The following GRIA4 variants were observed in gnomAD, a reference collection of about 807,000 sequenced individuals.
GRIA4 encodes glutamate ionotropic receptor AMPA type subunit 4.
Under a neutral mutation model 104.0 loss-of-function variants are expected in GRIA4, and 34 were observed. The ratio of observed to expected loss-of-function variants is 0.33; its 90% CI spans 0.25 to 0.44. The LOEUF is 0.44. Ranked by LOEUF, GRIA4 falls within the 20% of genes least tolerant of loss-of-function variation. The pLI is 1.00. For synonymous variants in GRIA4, 386 were observed against 381.9 expected, an observed-to-expected ratio of 1.01 and a Z score of -0.13; for missense variants, 750 against 1,096.5, an observed-to-expected ratio of 0.68 and a Z score of 4.46.
intron 5 of GRIA4, among the ~76,000 whole-genome samples, chr11:105,868,743 C>G (rs1287143421): frequency 6.6e-6 from 1 of 152,086 alleles, no homozygotes; most frequent in African/African-American, 2.4e-5. Context: ...AAATCAGGCA[C>G]TCACAGAAAT....
At chr11:105,884,184 A>T (rs562382475) in intron 5 of GRIA4, among the ~76,000 whole-genome samples, 105 of 152,358 alleles carry the variant, frequency 6.9e-4, no homozygotes, top group African/African-American at 2.2e-3. Flanking sequence ...TTTTCCCATG[A>T]CAACTAAGCC....
intron 11 of GRIA4, among the ~76,000 whole-genome samples, chr11:105,922,891 A>C (rs546600340): frequency 6.6e-6 from 1 of 152,118 alleles, no homozygotes; most frequent in Non-Finnish European, 1.5e-5. Flanking sequence ...TGTAACAAAA[A>C]CTATATACAT....
intron 3 of GRIA4, among the ~76,000 whole-genome samples, chr11:105,730,728 T>A (rs1161855155): frequency 2.6e-5 from 4 of 152,030 alleles, no homozygotes; most frequent in Non-Finnish European, 5.9e-5. Flanking sequence ...ACACCACACA[T>A]CTAGAACCAT....
chr11:105,649,223 A>G (rs1409574840), intron 3 of GRIA4, among the ~76,000 whole-genome samples: 2 of 152,184 alleles, frequency 1.3e-5, no homozygotes, highest in Admixed American at 1.3e-4. Flanking sequence ...TAGTAGTAAT[A>G]TATTATAATA....
chr11:105,695,522 G>A (rs1342116275), intron 3 of GRIA4, among the ~76,000 whole-genome samples: 9 of 151,590 alleles, frequency 5.9e-5, no homozygotes, highest in African/African-American at 1.9e-4. Flanking sequence ...GTGCGTGCGC[G>A]TTTGGTAGGG....
At chr11:105,801,541 C>T (rs1942720561) in intron 4 of GRIA4, among the ~76,000 whole-genome samples, 1 of 151,842 alleles carries the variant, frequency 6.6e-6, no homozygotes, top group East Asian at 1.9e-4. Flanking sequence ...TAAGTGAGTT[C>T]CATTAAAGTT....
At chr11:105,754,576 G>T (rs929049263) in intron 4 of GRIA4, among the ~76,000 whole-genome samples, 1 of 152,120 alleles carries the variant, frequency 6.6e-6, no homozygotes, top group Non-Finnish European at 1.5e-5. Context: ...CTCACATATT[G>T]CATTATTAAC....
intron 3 of GRIA4, among the ~76,000 whole-genome samples, chr11:105,733,204 T>C (rs1938711072): frequency 6.6e-6 from 1 of 152,222 alleles, no homozygotes; most frequent in Admixed American, 6.5e-5. Flanking sequence ...AAAATAATTA[T>C]AACCAATGTT....
At chr11:105,974,238 G>A in intron 15 of GRIA4, 72 bp from the exon 16 acceptor site, 2 of 1,458,430 alleles carry the variant, frequency 1.4e-6, no homozygotes, top group South Asian at 1.2e-5. Flanking sequence ...TGGCTTTTTG[G>A]ATTTCATGTG....
chr11:105,673,158 C>T (rs1398905848), intron 3 of GRIA4, among the ~76,000 whole-genome samples: 2 of 152,106 alleles, frequency 1.3e-5, no homozygotes, highest in Non-Finnish European at 1.5e-5. Flanking sequence ...CACCCAAGTT[C>T]TCATTCATGT....
intron 4 of GRIA4, among the ~76,000 whole-genome samples, chr11:105,786,611 T>C (rs1384917876): frequency 6.6e-6 from 1 of 152,170 alleles, no homozygotes; most frequent in Non-Finnish European, 1.5e-5. Flanking sequence ...ACCTAGTCTT[T>C]CCCTTCTAAT....
intron 3 of GRIA4, among the ~76,000 whole-genome samples, chr11:105,727,004 A>C (rs1238647850): frequency 1.3e-5 from 2 of 152,140 alleles, no homozygotes; most frequent in African/African-American, 4.8e-5. Context: ...ACTCCTCGCC[A>C]GCAAGGAAAC....
At chr11:105,935,510 A>G (rs1417129130) in intron 14 of GRIA4, among the ~76,000 whole-genome samples, 2 of 152,206 alleles carry the variant, frequency 1.3e-5, no homozygotes, top group African/African-American at 4.8e-5. Context: ...TATAATTTCA[A>G]TGAGGCCAAG....
At chr11:105,756,190 C>T (rs1315083163) in intron 4 of GRIA4, among the ~76,000 whole-genome samples, 3 of 152,216 alleles carry the variant, frequency 2.0e-5, no homozygotes, top group South Asian at 4.2e-4. Flanking sequence ...AGGAATATAG[C>T]ATATTGACAT....
intron 3 of GRIA4, among the ~76,000 whole-genome samples, chr11:105,751,797 T>G (rs1940014596): frequency 1.3e-5 from 2 of 152,206 alleles, no homozygotes; most frequent in Admixed American, 1.3e-4. Flanking sequence ...TTAATCACCT[T>G]CTGTGTCTTC....
At position 105,803,240 on chromosome 11, in the gene GRIA4, T is replaced by C. The variant is rs527651312; in HGVS notation, c.487+50020T>C. Among the ~76,000 whole-genome samples the C allele has an allele frequency of 2.6e-5, 4 of 152,114 alleles. No individual in the cohort carries two copies. The East Asian group carries it at 7.7e-4, about 29-fold the overall frequency. On this transcript the variant is annotated intron_variant, in intron 4 of 16. Transcript: ENST00000282499. ...TCTTAGACTGTTCTTATATATAGTA[T>C]CTCTGTTAATAGTTACCAAATTCTT...
At chr11:105,712,806 A>G (rs761040526) in intron 3 of GRIA4, among the ~76,000 whole-genome samples, 6 of 152,042 alleles carry the variant, frequency 3.9e-5, no homozygotes, top group Non-Finnish European at 8.8e-5. Flanking sequence ...GCCTTAGGCC[A>G]TTCCTCATAA....
chr11:105,610,881 T>TTTTTGG, intron 1 of GRIA4, 27 bp from the exon 2 acceptor site: 4 of 475,618 alleles, frequency 8.4e-6, no homozygotes, highest in South Asian at 4.4e-5. Flanking sequence ...TTTTTTTTTT[T>TTTTTGG]TTTTTTTTGG....
At chr11:105,665,722 T>C (rs1952144972) in intron 3 of GRIA4, among the ~76,000 whole-genome samples, 1 of 152,016 alleles carries the variant, frequency 6.6e-6, no homozygotes. Context: ...TAAAAAACTT[T>C]CTCTTTGGGC....
Sources: allele counts gnomAD v4.1 joint callset (sites outside exome capture counted in the v4.1 genomes callset), GRCh38; gene constraint gnomAD v4.1.1; transcripts MANE v1.5; gene names NCBI Gene and HGNC (gene_info 2026-07-23, HGNC 2026-07-21).